ZNF568: variants seen among roughly 807,000 people sequenced by gnomAD.
ZNF568 encodes p53 inhibitor of SCO2 activation.
In ZNF568, 11 loss-of-function variants were observed where a neutral mutation model predicts 18.1. That is an observed-to-expected ratio of 0.61 (90% CI 0.38 to 1.00). The LOEUF is 1.00. Among genes scored for constraint, ZNF568 ranks in the 50% least tolerant of loss-of-function variants. The probability of loss-of-function intolerance (pLI) is 0.01; values close to 1 mark genes in which losing one functional copy is unlikely to be tolerated. For synonymous variants in ZNF568, 213 were observed against 246.6 expected, an observed-to-expected ratio of 0.86 and a Z score of 1.28; for missense variants, 639 against 768.2, an observed-to-expected ratio of 0.83 and a Z score of 1.99.
At chr19:36,928,113 G>A (rs1368117540) in intron 4 of ZNF568, among the ~76,000 whole-genome samples, 4 of 149,828 alleles carry the variant, frequency 2.7e-5, no homozygotes, top group South Asian at 2.1e-4. Context: ...ATAGGGTTTC[G>A]CCATGTTGGC....
chr19:36,948,644 GT>G (rs1417110840), intron 6 of ZNF568, among the ~76,000 whole-genome samples: 1 of 104,036 alleles, frequency 9.6e-6, no homozygotes, highest in East Asian at 2.8e-4. Flanking sequence ...TGCAGCAGGG[GT>G]TTTTTGTTGT....
downstream of ZNF568, chr19:36,997,290 A>G: frequency 6.2e-7 from 1 of 1,601,904 alleles, no homozygotes; most frequent in Non-Finnish European, 8.5e-7. Context: ...CTGGGGAGAA[A>G]CCCTGTAAGT....
chr19:36,922,925 C>T (rs1240272174), intron 3 of ZNF568, 79 bp downstream of exon 3: 7 of 1,290,696 alleles, frequency 5.4e-6, no homozygotes, highest in African/African-American at 1.5e-5. Context: ...ATTCATTACT[C>T]CTACTGAGAA....
At chr19:36,975,757 G>A (rs956916803) in intron 7 of ZNF568, among the ~76,000 whole-genome samples, 1 of 30,010 alleles carries the variant, frequency 3.3e-5, no homozygotes, top group African/African-American at 2.6e-4. Context: ...TGATCTGAGC[G>A]TGATCTGAGC....
exon 5 of ZNF568, chr19:36,997,019 G>C: frequency 6.4e-7 from 1 of 1,558,894 alleles, no homozygotes; most frequent in Admixed American, 1.9e-5. Flanking sequence ...CGACATCAAA[G>C]AATCCATACG....
intron 4 of ZNF568, among the ~76,000 whole-genome samples, chr19:36,992,458 C>T (rs774567115): frequency 3.3e-5 from 5 of 151,862 alleles, no homozygotes; most frequent in Non-Finnish European, 5.9e-5. Flanking sequence ...GCCAAGATCG[C>T]GCCACTGCAC....
At chr19:36,966,293 A>G (rs1002922179) in intron 6 of ZNF568, among the ~76,000 whole-genome samples, 1 of 151,966 alleles carries the variant, frequency 6.6e-6, no homozygotes, top group Admixed American at 6.6e-5. Flanking sequence ...AAAAGAAAAA[A>G]AGAAATGGGG....
intron 6 of ZNF568, among the ~76,000 whole-genome samples, chr19:36,968,340 C>T (rs1195043616): frequency 4.0e-5 from 6 of 151,832 alleles, no homozygotes; most frequent in South Asian, 2.1e-4. Context: ...TTTGGGAGGC[C>T]GAGGCAGGTA....
intron 4 of ZNF568, among the ~76,000 whole-genome samples, chr19:36,927,903 A>ATTTTT (rs71177414): frequency 2.3e-4 from 6 of 26,610 alleles, no homozygotes; most frequent in South Asian, 1.5e-3. Context: ...ATATATATAT[A>ATTTTT]TTTTTTTTTT....
downstream of ZNF568, among the ~76,000 whole-genome samples, chr19:36,983,698 G>T (rs1009303338): frequency 6.6e-6 from 1 of 151,696 alleles, no homozygotes; most frequent in African/African-American, 2.4e-5. Flanking sequence ...CTGTGATTAG[G>T]GTTCGTCTAT....
At chr19:36,934,204 C>A (rs2073748313) in intron 4 of ZNF568, among the ~76,000 whole-genome samples, 1 of 150,674 alleles carries the variant, frequency 6.6e-6, no homozygotes, top group East Asian at 1.9e-4. Context: ...TTGATTCTCT[C>A]TAATGTTTTT....
In ZNF568 at chr19:36,949,673, A is replaced by G; in HGVS notation, c.520A>G (p.Ser174Gly). 6.2e-7 allele frequency: 1 copy of G among 1,613,820 alleles called. No homozygotes were observed. The highest frequency in any genetic ancestry group is 1.1e-5 in the South Asian group (1 of 91,014). ...LSSDIVTSRQ[S>G]FYDCDSLDKG... ...TTCAGACATTGTTACTTCAAGACAA[A>G]GCTTCTATGACTGTGACTCACTTGA... Residue 174 changes from serine (S) to glycine (G), a missense_variant, in exon 7 of 7, where the codon AGC becomes GGC. Physicochemically the swap from Ser to Gly is moderately conservative, Grantham distance 56 (BLOSUM62 0). Coordinates refer to ENST00000333987, the MANE Select transcript of ZNF568 (RefSeq NM_198539.4).
intron 6 of ZNF568, 54 bp downstream of exon 6, chr19:36,937,296 T>C (rs2073807700): frequency 4.8e-6 from 7 of 1,453,540 alleles, no homozygotes; most frequent in Non-Finnish European, 6.7e-6. Flanking sequence ...AGTTGTTCAG[T>C]GAAGGGTTGA....
At chr19:36,992,173 G>A (rs908127561) in intron 4 of ZNF568, among the ~76,000 whole-genome samples, 2 of 151,124 alleles carry the variant, frequency 1.3e-5, no homozygotes, top group Non-Finnish European at 2.9e-5. Flanking sequence ...AACCTGGGAG[G>A]CAGAGGTTGC....
chr19:36,953,691 C>G (rs1349933855), downstream of ZNF568, among the ~76,000 whole-genome samples: 1 of 151,060 alleles, frequency 6.6e-6, no homozygotes, highest in Non-Finnish European at 1.5e-5. Context: ...GCGGGTGGAT[C>G]ACCTGAGGTC....
chr19:36,959,785 C>T (rs547838913), intron 6 of ZNF568, among the ~76,000 whole-genome samples: 4 of 152,142 alleles, frequency 2.6e-5, no homozygotes, highest in Admixed American at 6.5e-5. Flanking sequence ...TCTAGTTTGT[C>T]AGTATATAGC....
intron 6 of ZNF568, among the ~76,000 whole-genome samples, chr19:36,966,111 C>T (rs946310714): frequency 2.0e-5 from 3 of 151,842 alleles, no homozygotes; most frequent in Admixed American, 6.6e-5. Context: ...ATGGTGAAAG[C>T]CTGTCTCTAC....
chr19:36,956,573 T>G (rs1324628794), downstream of ZNF568, among the ~76,000 whole-genome samples: 1 of 151,826 alleles, frequency 6.6e-6, no homozygotes, highest in Non-Finnish European at 1.5e-5. Flanking sequence ...TTTGCAACAG[T>G]AGTCCTCAAA....
At chr19:36,997,698 T>TGA, downstream of ZNF568, 7 of 925,660 alleles carry the variant, frequency 7.6e-6, no homozygotes, top group Non-Finnish European at 1.2e-5. Flanking sequence ...AAAGAATTCA[T>TGA]TCAGGACAGA....
Sources: gnomAD v4.1 joint callset for allele counts (sites outside exome capture counted in the v4.1 genomes callset) on GRCh38, gnomAD v4.1.1 for gene constraint, MANE v1.5 for transcripts, NCBI Gene and HGNC (gene_info 2026-07-23, HGNC 2026-07-21) for gene names.